The following DLGAP1 variants were observed in gnomAD, a reference collection of about 807,000 sequenced individuals.
DLGAP1 encodes DLG associated protein 1.
In DLGAP1, 11 loss-of-function variants were observed where a neutral mutation model predicts 90.8. That is an observed-to-expected ratio of 0.12 (90% CI 0.08 to 0.20). DLGAP1 has a LOEUF of 0.20. DLGAP1 is among the 10% of genes least tolerant of loss of function. The pLI is 1.00. For synonymous variants in DLGAP1, 558 were observed against 540.7 expected (o/e 1.03, Z -0.44); for missense variants, 1,050 against 1,333.8 (o/e 0.79, Z 3.31).
intron 1 of DLGAP1, among the ~76,000 whole-genome samples, chr18:4,399,315 CT>C (rs1398261734): frequency 1.3e-5 from 2 of 152,110 alleles, no homozygotes; most frequent in Admixed American, 1.3e-4. Flanking sequence ...ACAAGAATTC[CT>C]GAAAACAACA....
At chr18:4,297,929 T>C (rs926048558) in intron 1 of DLGAP1, among the ~76,000 whole-genome samples, 2 of 152,114 alleles carry the variant, frequency 1.3e-5, no homozygotes, top group South Asian at 2.1e-4. Flanking sequence ...AGCATCGCCA[T>C]GAAAGGACTG....
intron 5 of DLGAP1, among the ~76,000 whole-genome samples, chr18:3,810,719 T>C (rs1415485733): frequency 6.6e-6 from 1 of 152,200 alleles, no homozygotes; most frequent in Middle Eastern, 3.2e-3. Context: ...CAGAATTGAT[T>C]ATGAGTCATG....
intron 3 of DLGAP1, among the ~76,000 whole-genome samples, chr18:3,987,088 TG>T (rs2073858563): frequency 6.6e-6 from 1 of 152,210 alleles, no homozygotes; most frequent in Non-Finnish European, 1.5e-5. Context: ...GAAAACAATC[TG>T]ACTGTGCTAG....
rs774691177 is a variant in DLGAP1 at position 3,729,104 on chromosome 18, G to A, written c.1591+31C>T. The A allele has an allele frequency of 6.3e-7, 1 of 1,578,974 alleles. No individual in the cohort carries two copies. Among genetic ancestry groups the A allele is most frequent in the Admixed American group, 1.7e-5 (1 of 58,906 alleles). On this transcript the variant is annotated intron_variant, in intron 7 of 12. Coordinates refer to ENST00000315677, the MANE Select transcript of DLGAP1 (RefSeq NM_004746.4). The surrounding 1 kb of genome is among the most constrained non-coding windows in gnomAD (Gnocchi z 6.2). ...ACAGTCGTGCCATAGCCAGCACAGG[G>A]GCCAGGCTGGCTGAGGGCCCGCGCA...
chr18:3,751,883 CTT>C (rs759513286), intron 5 of DLGAP1, among the ~76,000 whole-genome samples: 37 of 112,360 alleles, frequency 3.3e-4, no homozygotes, highest in Non-Finnish European at 3.2e-4. Flanking sequence ...TCTTCTTCTT[CTT>C]TTTTTTTTTT....
chr18:3,659,531 ACT>A (rs1420490462), intron 7 of DLGAP1, among the ~76,000 whole-genome samples: 6 of 149,896 alleles, frequency 4.0e-5, no homozygotes, highest in African/African-American at 1.2e-4. Flanking sequence ...CAAAAAACAA[ACT>A]CAACTGTTTT....
At chr18:4,102,455 T>C (rs760094966) in intron 2 of DLGAP1, among the ~76,000 whole-genome samples, 54 of 152,318 alleles carry the variant, frequency 3.5e-4, no homozygotes, top group Admixed American at 2.3e-3. Flanking sequence ...GAGACAGAAA[T>C]GATCTCTTTT....
intron 1 of DLGAP1, among the ~76,000 whole-genome samples, chr18:4,313,950 C>A (rs139800751): frequency 6.6e-6 from 1 of 152,290 alleles, no homozygotes; most frequent in East Asian, 1.9e-4. Flanking sequence ...ATATGGAGAA[C>A]TATCCTTCTT....
chr18:4,067,850 C>T (rs1013571256), intron 2 of DLGAP1, among the ~76,000 whole-genome samples: 1 of 151,994 alleles, frequency 6.6e-6, no homozygotes, highest in East Asian at 1.9e-4. Context: ...CAATGTACAC[C>T]TTACATGTAT....
intron 6 of DLGAP1, among the ~76,000 whole-genome samples, chr18:3,741,198 CAA>C (rs1449824563): frequency 1.0e-4 from 10 of 97,084 alleles, no homozygotes; most frequent in Admixed American, 3.3e-4. Flanking sequence ...CCACCACCAC[CAA>C]ATCACCACCA....
chr18:3,980,304 G>T (rs1329094364), intron 3 of DLGAP1, among the ~76,000 whole-genome samples: 1 of 152,110 alleles, frequency 6.6e-6, no homozygotes, highest in Non-Finnish European at 1.5e-5. Context: ...GTCTTGGCTG[G>T]GTGGAGGCGG....
At chr18:4,120,787 T>A (rs549381412) in intron 2 of DLGAP1, among the ~76,000 whole-genome samples, 7 of 138,966 alleles carry the variant, frequency 5.0e-5, no homozygotes, top group African/African-American at 2.1e-4. Context: ...TCTCTCTCCC[T>A]CTCCCTCCCT....
chr18:4,329,326 A>AT (rs962053215), intron 1 of DLGAP1, among the ~76,000 whole-genome samples: 3 of 151,766 alleles, frequency 2.0e-5, no homozygotes, highest in African/African-American at 7.3e-5. Context: ...ATATTCCTGA[A>AT]TTTTTTATTT....
At chr18:3,817,762 G>A (rs1263434864) in intron 4 of DLGAP1, among the ~76,000 whole-genome samples, 1 of 152,216 alleles carries the variant, frequency 6.6e-6, no homozygotes, top group Non-Finnish European at 1.5e-5. Context: ...AAGAAAGGGA[G>A]AATTACATGG....
intron 1 of DLGAP1, among the ~76,000 whole-genome samples, chr18:4,362,128 T>C (rs1428726758): frequency 1.3e-5 from 2 of 152,150 alleles, no homozygotes; most frequent in Non-Finnish European, 2.9e-5. Context: ...TTGTACACTG[T>C]TGGTGGGAAT....
chr18:4,318,591 G>A (rs1332769392), intron 1 of DLGAP1, among the ~76,000 whole-genome samples: 1 of 152,138 alleles, frequency 6.6e-6, no homozygotes, highest in Non-Finnish European at 1.5e-5. Context: ...TTCTGGAGTC[G>A]ATGCAGGAGT....
intron 3 of DLGAP1, among the ~76,000 whole-genome samples, chr18:3,889,202 T>TA (rs1386879621): frequency 6.6e-6 from 1 of 152,126 alleles, no homozygotes; most frequent in African/African-American, 2.4e-5. Context: ...TAATGGTACC[T>TA]AAAGACAGCC....
chr18:3,524,849 T>A (rs1436857379), intron 10 of DLGAP1, among the ~76,000 whole-genome samples: 1 of 152,212 alleles, frequency 6.6e-6, no homozygotes, highest in Non-Finnish European at 1.5e-5. Context: ...CCCAACCTAC[T>A]GCCCAGCAGC....
At chr18:3,726,809 G>A (rs985464453) in intron 7 of DLGAP1, among the ~76,000 whole-genome samples, 1 of 152,200 alleles carries the variant, frequency 6.6e-6, no homozygotes, top group Non-Finnish European at 1.5e-5. Flanking sequence ...CCTTGCAGGG[G>A]CAGCCAAGCC....
Sources: allele counts gnomAD v4.1 joint callset (sites outside exome capture counted in the v4.1 genomes callset), GRCh38; gene constraint gnomAD v4.1.1; non-coding constraint Gnocchi (gnomAD v3.1); transcripts MANE v1.5; gene names NCBI Gene and HGNC (gene_info 2026-07-23, HGNC 2026-07-21).